Variants in CIMIP2A observed in about 807,000 individuals in gnomAD.
The protein encoded by CIMIP2A is family with sequence similarity 166 member A.
At chr9:137,252,784 T>C in the CIMIP2A span, 1 of 1,562,484 alleles carries the variant, frequency 6.4e-7, no homozygotes, top group Non-Finnish European at 8.7e-7. Context: ...TGCCTGGGGC[T>C]AGGGGGCTGG....
the CIMIP2A span, chr9:137,253,234 T>C: frequency 1.9e-6 from 3 of 1,607,816 alleles, no homozygotes; most frequent in Non-Finnish European, 2.5e-6. Flanking sequence ...AGGCCCCTTC[T>C]GCACGCTCTA....
At chr9:137,245,776 T>G in the CIMIP2A span, 1 of 1,549,020 alleles carries the variant, frequency 6.5e-7, no homozygotes. Flanking sequence ...CACACTGGGG[T>G]CTGTGAGCAG....
At chr9:137,249,291 G>A in the CIMIP2A span, among the ~76,000 whole-genome samples, 7 of 152,202 alleles carry the variant, frequency 4.6e-5, no homozygotes, top group African/African-American at 1.7e-4. Context: ...ACAGTGAGAA[G>A]GGCCTCTAAT....
chr9:137,251,752 T>C, the CIMIP2A span: 4 of 1,572,882 alleles, frequency 2.5e-6, no homozygotes, highest in African/African-American at 5.4e-5. Flanking sequence ...AAGGCATCTG[T>C]GCTGTTGTTG....
the CIMIP2A span, among the ~76,000 whole-genome samples, chr9:137,249,735 C>T: frequency 1.3e-5 from 2 of 152,232 alleles, no homozygotes; most frequent in Non-Finnish European, 2.9e-5. Context: ...TCCCAGAGGG[C>T]GGCAACTAGC....
the CIMIP2A span, chr9:137,244,485 G>T: frequency 6.7e-7 from 1 of 1,495,200 alleles, no homozygotes. Context: ...GAGAGGGGTT[G>T]GGGCGGCACC....
the CIMIP2A span, chr9:137,245,284 G>C: frequency 6.3e-7 from 1 of 1,579,622 alleles, no homozygotes; most frequent in Non-Finnish European, 8.6e-7. Flanking sequence ...AATGGGCTTG[G>C]CACTGGTGCA....
chr9:137,249,151 C>T, the CIMIP2A span, among the ~76,000 whole-genome samples: 3 of 152,046 alleles, frequency 2.0e-5, no homozygotes, highest in South Asian at 2.1e-4. Context: ...CCACTGTGCC[C>T]GGCCAATATG....
At chr9:137,244,166 C>G in the CIMIP2A span, 1 of 1,613,738 alleles carries the variant, frequency 6.2e-7, no homozygotes, top group Non-Finnish European at 8.5e-7. Context: ...GCCCACTCTA[C>G]TCACCGGGGA....
chr9:137,248,554 A>AG, the CIMIP2A span, among the ~76,000 whole-genome samples: 1 of 151,226 alleles, frequency 6.6e-6, no homozygotes, highest in Admixed American at 6.6e-5. Context: ...AAAAAAAAAA[A>AG]AAAAAAAGAA....
chr9:137,253,546 TG>T, the CIMIP2A span: 1 of 1,371,122 alleles, frequency 7.3e-7, no homozygotes, highest in South Asian at 1.7e-5. Context: ...TGGCTGCCGC[TG>T]GGTCATTTCC....
At chr9:137,251,149 C>T in the CIMIP2A span, 2 of 708,462 alleles carry the variant, frequency 2.8e-6, no homozygotes, top group Admixed American at 4.3e-5. Flanking sequence ...GGGAGGGGCC[C>T]ACCAGGGGTC....
At chr9:137,252,056 G>A in the CIMIP2A span, 33 of 1,613,124 alleles carry the variant, frequency 2.0e-5, no homozygotes, top group Admixed American at 3.3e-5. Flanking sequence ...GCCCCACCAG[G>A]TACCAGGTGC....
chr9:137,245,688 CG>C, the CIMIP2A span: 4 of 1,604,878 alleles, frequency 2.5e-6, no homozygotes, highest in East Asian at 8.9e-5. Flanking sequence ...AGGGAACCCT[CG>C]GGGGCTTGGA....
the CIMIP2A span, among the ~76,000 whole-genome samples, chr9:137,254,838 C>G: frequency 6.6e-6 from 1 of 152,176 alleles, no homozygotes. Context: ...CGGGCCCGGT[C>G]TCCGCCAGGC....
At chr9:137,253,335 G>GCC in the CIMIP2A span, 9 of 1,547,422 alleles carry the variant, frequency 5.8e-6, no homozygotes, top group Non-Finnish European at 7.8e-6. Context: ...GGGACTTGGG[G>GCC]CCCCAGCCTG....
At chr9:137,247,607 C>A in the CIMIP2A span, 1 of 1,559,008 alleles carries the variant, frequency 6.4e-7, no homozygotes, top group East Asian at 2.3e-5. Flanking sequence ...CCCAGCCATT[C>A]TCCCCCTCCT....
the CIMIP2A span, chr9:137,245,840 A>AGAAGCC: frequency 6.6e-7 from 1 of 1,508,122 alleles, no homozygotes; most frequent in Non-Finnish European, 8.9e-7. Context: ...AGCTGCGGAA[A>AGAAGCC]GAAGCCGGCA....
chr9:137,253,190 T>G, the CIMIP2A span: 1 of 1,608,816 alleles, frequency 6.2e-7, no homozygotes, highest in Non-Finnish European at 8.5e-7. Context: ...GGCGTGGTCA[T>G]CCAGGGTGTA....
Sources: allele counts gnomAD v4.1 joint callset (sites outside exome capture counted in the v4.1 genomes callset), GRCh38; gene constraint gnomAD v4.1.1; transcripts MANE v1.5; gene names NCBI Gene and HGNC (gene_info 2026-07-23, HGNC 2026-07-21).